ANKRD55: variants seen among roughly 807,000 people sequenced by gnomAD.
ANKRD55 encodes the protein ankyrin repeat domain 55.
Under a neutral mutation model 60.6 loss-of-function variants are expected in ANKRD55, and 41 were observed. The ratio of observed to expected loss-of-function variants is 0.68; its 90% CI spans 0.53 to 0.88. ANKRD55 has a LOEUF of 0.88. Ranked by LOEUF, ANKRD55 falls within the 40% of genes least tolerant of loss-of-function variation. The pLI is 0.00. For synonymous variants in ANKRD55, 264 were observed against 290.3 expected, an observed-to-expected ratio of 0.91 and a Z score of 0.92; for missense variants, 732 against 767.6, an observed-to-expected ratio of 0.95 and a Z score of 0.55.
intron 4 of ANKRD55, among the ~76,000 whole-genome samples, chr5:56,175,745 C>T (rs1023516271): frequency 2.6e-5 from 4 of 152,104 alleles, no homozygotes; most frequent in Non-Finnish European, 5.9e-5. Context: ...CATTCCTTAG[C>T]CTCAAGCTTC....
chr5:56,102,300 G>T (rs1159357120), intron 11 of ANKRD55, among the ~76,000 whole-genome samples, 194 bp downstream of exon 11: 1 of 151,984 alleles, frequency 6.6e-6, no homozygotes, highest in Non-Finnish European at 1.5e-5. Flanking sequence ...TGAGGCAGGG[G>T]AATCGCTTGA....
chr5:56,118,261 G>C (rs1338283690), intron 8 of ANKRD55, among the ~76,000 whole-genome samples: 2 of 152,162 alleles, frequency 1.3e-5, no homozygotes, highest in Admixed American at 1.3e-4. Flanking sequence ...ACAAGCCATA[G>C]GCTGGGAGAA....
chr5:56,217,843 C>T (rs1360825504), intron 2 of ANKRD55, among the ~76,000 whole-genome samples: 1 of 151,764 alleles, frequency 6.6e-6, no homozygotes, highest in Non-Finnish European at 1.5e-5. Flanking sequence ...TTGCAGTGAG[C>T]CGAGATTGTG....
chr5:56,147,401 A>G (rs1283917708), intron 6 of ANKRD55, among the ~76,000 whole-genome samples: 1 of 152,318 alleles, frequency 6.6e-6, no homozygotes, highest in East Asian at 1.9e-4. Flanking sequence ...AGGTTGTCTT[A>G]CTTTCTAAAA....
chr5:56,137,081 C>A, intron 7 of ANKRD55: 1 of 875,468 alleles, frequency 1.1e-6, no homozygotes, highest in Non-Finnish European at 2.0e-6. Context: ...AATGCCCAGG[C>A]CATCAGGGTA....
At chr5:56,175,656 T>C (rs2111821427) in intron 4 of ANKRD55, among the ~76,000 whole-genome samples, 1 of 152,196 alleles carries the variant, frequency 6.6e-6, no homozygotes, top group African/African-American at 2.4e-5. Context: ...GCGTTGTCCC[T>C]TTAAGAGCCT....
At chr5:56,149,561 C>A (rs1012315998) in intron 6 of ANKRD55, among the ~76,000 whole-genome samples, 1 of 152,186 alleles carries the variant, frequency 6.6e-6, no homozygotes, top group African/African-American at 2.4e-5. Flanking sequence ...CATCTACATT[C>A]TTCTGCACTA....
intron 5 of ANKRD55, 109 bp from the exon 6 acceptor site, chr5:56,160,002 A>G (rs561389080): frequency 2.6e-5 from 23 of 870,180 alleles, no homozygotes; most frequent in Admixed American, 1.3e-4. Context: ...AAAGACTCCA[A>G]ATGAAGATGA....
intron 2 of ANKRD55, among the ~76,000 whole-genome samples, chr5:56,211,672 C>T (rs1054054892): frequency 2.6e-5 from 4 of 152,170 alleles, no homozygotes; most frequent in Non-Finnish European, 5.9e-5. Flanking sequence ...ATGGACATTC[C>T]ACATTTTCAC....
At position 56,148,836 on chromosome 5, in the gene ANKRD55, G is replaced by T. The variant is rs1307316135; in HGVS notation, c.484-4907C>A. On this transcript the variant is annotated intron_variant, in intron 6 of 11. Coordinates refer to ENST00000341048, the MANE Select transcript of ANKRD55 (RefSeq NM_024669.3). ...TGTTCCCCGTCTTGGTTGGCGGTTC[G>T]GGGTGGGGTGGTGGAGGGGGAGGGT... 2.0e-5 allele frequency among the ~76,000 whole-genome samples: 3 copies of T among 152,036 alleles called. No homozygotes were observed. In the South Asian group the frequency reaches 6.2e-4, roughly 32 times the overall value.
intron 7 of ANKRD55, among the ~76,000 whole-genome samples, chr5:56,138,815 G>T (rs1361281997): frequency 2.0e-5 from 3 of 152,210 alleles, no homozygotes; most frequent in Admixed American, 1.3e-4. Flanking sequence ...ATCAGTGGTT[G>T]CTAGGGATTA....
chr5:56,190,496 T>C (rs1479933292), intron 2 of ANKRD55, among the ~76,000 whole-genome samples: 1 of 152,228 alleles, frequency 6.6e-6, no homozygotes, highest in African/African-American at 2.4e-5. Context: ...GAGTTAACTT[T>C]TATATATGGT....
intron 2 of ANKRD55, among the ~76,000 whole-genome samples, chr5:56,187,795 G>A (rs373929178): frequency 3.8e-4 from 58 of 152,256 alleles, no homozygotes; most frequent in African/African-American, 1.4e-3. Flanking sequence ...TCACTGCATG[G>A]CCCAAGATTC....
intron 3 of ANKRD55, among the ~76,000 whole-genome samples, chr5:56,182,755 A>T (rs1413798058): frequency 3.9e-5 from 6 of 152,138 alleles, no homozygotes; most frequent in Admixed American, 2.6e-4. Flanking sequence ...AAGGGGTGCC[A>T]CCTCATTATT....
intron 2 of ANKRD55, among the ~76,000 whole-genome samples, chr5:56,204,536 C>T (rs1470730786): frequency 6.6e-6 from 1 of 152,050 alleles, no homozygotes; most frequent in Non-Finnish European, 1.5e-5. Flanking sequence ...AGGGGATTTT[C>T]CCCCTTTGCT....
At chr5:56,172,598 A>G (rs1273422340) in intron 4 of ANKRD55, among the ~76,000 whole-genome samples, 2 of 152,046 alleles carry the variant, frequency 1.3e-5, no homozygotes, top group African/African-American at 4.8e-5. Flanking sequence ...TCCTGAAGAT[A>G]AAAAGAAGAA....
chr5:56,153,459 G>T (rs746792139), intron 6 of ANKRD55, among the ~76,000 whole-genome samples: 3 of 152,188 alleles, frequency 2.0e-5, no homozygotes, highest in Non-Finnish European at 2.9e-5. Flanking sequence ...GTGAAAAATT[G>T]AGACAACCTA....
rs1304959941 is a variant in ANKRD55, at chr5:56,127,115, G to C, written c.613-9C>G. The C allele has an allele frequency of 1.9e-6, 3 of 1,593,428 alleles. No homozygotes were observed. Among genetic ancestry groups the C allele is most frequent in the Admixed American group, 1.7e-5 (1 of 58,162 alleles). On this transcript the variant is annotated splice_polypyrimidine_tract_variant and intron_variant, in intron 7 of 11. Transcript: ENST00000341048. ...AGAATCCTATTTCCACTCTGGAAAA[G>C]AGAGTCAAAGAAAGCCCATTATGTA...
intron 7 of ANKRD55, among the ~76,000 whole-genome samples, chr5:56,131,303 C>T (rs1046502404): frequency 6.6e-6 from 1 of 152,164 alleles, no homozygotes; most frequent in African/African-American, 2.4e-5. Flanking sequence ...AGAAGGATTA[C>T]CTCTGATTTC....
Sources: allele counts gnomAD v4.1 joint callset (sites outside exome capture counted in the v4.1 genomes callset), GRCh38; gene constraint gnomAD v4.1.1; transcripts MANE v1.5; gene names NCBI Gene and HGNC (gene_info 2026-07-23, HGNC 2026-07-21).